The following SULT1C3 variants were observed in gnomAD, a reference collection of about 807,000 sequenced individuals.
The protein encoded by SULT1C3 is sulfotransferase 1C3.
A neutral mutation model predicts 28.4 loss-of-function variants in SULT1C3; 31 were observed. That is an observed-to-expected ratio of 1.09 (90% CI 0.82 to 1.47). The LOEUF is 1.47. SULT1C3 is among the 40% of genes most tolerant of loss of function. SULT1C3 has a pLI of 0.00. For missense variants in SULT1C3, 307 were observed against 272.5 expected (o/e 1.13, Z -0.89); for synonymous variants, 106 against 92.2 (o/e 1.15, Z -0.86).
At chr2:108,260,050 A>T (rs1558666850) in intron 7 of SULT1C3, among the ~76,000 whole-genome samples, 1 of 152,184 alleles carries the variant, frequency 6.6e-6, no homozygotes, top group Non-Finnish European at 1.5e-5. Context: ...GAAACAATTC[A>T]TTAGTACAGC....
chr2:108,247,069 G>C (rs1446890028), intron 1 of SULT1C3, 119 bp from the exon 2 acceptor site: 3 of 687,682 alleles, frequency 4.4e-6, no homozygotes, highest in Non-Finnish European at 6.3e-6. Context: ...CATGTTATAT[G>C]TTAGCTTTCA....
intron 2 of SULT1C3, among the ~76,000 whole-genome samples, chr2:108,251,292 A>G (rs1416006376): frequency 6.6e-6 from 1 of 152,072 alleles, no homozygotes; most frequent in African/African-American, 2.4e-5. Flanking sequence ...AAAATTAGGT[A>G]AAGTAGGATC....
intron 2 of SULT1C3, among the ~76,000 whole-genome samples, chr2:108,252,147 T>TTAGATAGATAGATAGA (rs57768246): frequency 2.0e-4 from 30 of 149,080 alleles, no homozygotes; most frequent in East Asian, 1.8e-3. Context: ...AGATGATAGA[T>TTAGATAGATAGATAGA]TAGATAGATA....
intron 1 of SULT1C3, among the ~76,000 whole-genome samples, chr2:108,243,092 T>G (rs1378908706): frequency 2.0e-5 from 3 of 152,194 alleles, no homozygotes; most frequent in Admixed American, 6.5e-5. Flanking sequence ...CCAATGAGCC[T>G]TAATTAGGTT....
intron 2 of SULT1C3, among the ~76,000 whole-genome samples, chr2:108,249,420 A>G (rs896278168): frequency 6.6e-6 from 1 of 152,118 alleles, no homozygotes; most frequent in African/African-American, 2.4e-5. Context: ...AAAGAAATTT[A>G]TTCAGAGTAA....
chr2:108,242,570 G>A (rs1052414371), intron 1 of SULT1C3, among the ~76,000 whole-genome samples: 5 of 152,120 alleles, frequency 3.3e-5, no homozygotes, highest in Non-Finnish European at 5.9e-5. Flanking sequence ...ACTCCTAGCC[G>A]TCCCTTACAG....
intron 4 of SULT1C3, among the ~76,000 whole-genome samples, chr2:108,253,851 C>A (rs1367146417): frequency 1.3e-5 from 2 of 151,976 alleles, no homozygotes; most frequent in Admixed American, 1.3e-4. Flanking sequence ...GCTTCCACAC[C>A]TCCATAATCT....
At chr2:108,252,112 T>C (rs980271858) in intron 2 of SULT1C3, among the ~76,000 whole-genome samples, 3 of 151,640 alleles carry the variant, frequency 2.0e-5, no homozygotes, top group African/African-American at 7.3e-5. Flanking sequence ...GATACATAGA[T>C]AGATACATAG....
chr2:108,260,495 G>A (rs879015249), intron 7 of SULT1C3, 73 bp from the exon 8 acceptor site: 1 of 424,288 alleles, frequency 2.4e-6, no homozygotes, highest in South Asian at 1.8e-5. Context: ...GGTAGGCCTA[G>A]GAACCATTCA....
intron 4 of SULT1C3, among the ~76,000 whole-genome samples, chr2:108,255,269 C>T (rs185822909): frequency 6.6e-4 from 100 of 152,050 alleles, no homozygotes; most frequent in Middle Eastern, 3.4e-3. Context: ...CAGCATATCA[C>T]ATCATATTCC....
downstream of SULT1C3, chr2:108,265,042 C>A (rs376038295): frequency 5.8e-5 from 91 of 1,568,218 alleles, no homozygotes; most frequent in Middle Eastern, 6.8e-4. Context: ...TCAAATGGAA[C>A]TCTGTGGTCC....
chr2:108,245,932 C>G (rs750195423), intron 1 of SULT1C3, among the ~76,000 whole-genome samples: 3 of 152,204 alleles, frequency 2.0e-5, no homozygotes, highest in Non-Finnish European at 2.9e-5. Flanking sequence ...ACCCAAGTCA[C>G]CTCTGGAATT....
chr2:108,244,692 A>G (rs1437983767), intron 1 of SULT1C3, among the ~76,000 whole-genome samples: 1 of 152,184 alleles, frequency 6.6e-6, no homozygotes, highest in African/African-American at 2.4e-5. Flanking sequence ...TGGTCAGAAA[A>G]TCAGCCTAAG....
intron 2 of SULT1C3, among the ~76,000 whole-genome samples, chr2:108,251,289 G>A (rs1359105791): frequency 6.6e-6 from 1 of 151,904 alleles, no homozygotes; most frequent in Non-Finnish European, 1.5e-5. Context: ...ATAAAAATTA[G>A]GTAAAGTAGG....
intron 1 of SULT1C3, among the ~76,000 whole-genome samples, chr2:108,242,220 A>G (rs1675477304): frequency 1.3e-5 from 2 of 152,224 alleles, no homozygotes; most frequent in Non-Finnish European, 2.9e-5. Context: ...AGCCATGTGA[A>G]CTAAAAACGT....
intron 1 of SULT1C3, among the ~76,000 whole-genome samples, chr2:108,245,740 A>C (rs1675563360): frequency 6.6e-6 from 1 of 152,138 alleles, no homozygotes; most frequent in South Asian, 2.1e-4. Context: ...CAAGCCCTGG[A>C]GACATTTTTC....
At chr2:108,257,597 TAGAG>T (rs1675906227) in intron 5 of SULT1C3, among the ~76,000 whole-genome samples, 1 of 151,952 alleles carries the variant, frequency 6.6e-6, no homozygotes. Context: ...GAAAGAAGGA[TAGAG>T]AGAGGGAGAT....
chr2:108,261,959 G>A (rs542498164), downstream of SULT1C3, among the ~76,000 whole-genome samples: 11 of 152,248 alleles, frequency 7.2e-5, no homozygotes, highest in African/African-American at 2.4e-4. Context: ...CTGTAAGGAA[G>A]CAGAGAGGAT....
downstream of SULT1C3, among the ~76,000 whole-genome samples, chr2:108,264,354 C>T (rs941668584): frequency 1.1e-4 from 16 of 152,262 alleles, 1 homozygote; most frequent in South Asian, 1.5e-3. Context: ...TCCTTTTATT[C>T]CTCCTCTTAG....
Sources: gnomAD v4.1 joint callset for allele counts (sites outside exome capture counted in the v4.1 genomes callset) on GRCh38, gnomAD v4.1.1 for gene constraint, MANE v1.5 for transcripts, NCBI Gene and HGNC (gene_info 2026-07-23, HGNC 2026-07-21) for gene names.